Variants in PSD observed in about 807,000 individuals in gnomAD.
PSD encodes pleckstrin and Sec7 domain containing, also known as PH and SEC7 domain-containing protein 1.
A neutral mutation model predicts 91.6 loss-of-function variants in PSD; 32 were observed. The ratio of observed to expected loss-of-function variants is 0.35; its 90% CI spans 0.26 to 0.47. The LOEUF is 0.47. PSD is among the 20% of genes least tolerant of loss of function. The pLI, the probability that PSD is intolerant of heterozygous loss-of-function variation, is 1.00. For missense variants in PSD, 1,099 were observed against 1,373.9 expected, an observed-to-expected ratio of 0.80 and a Z score of 3.16; for synonymous variants, 532 against 569.3, an observed-to-expected ratio of 0.93 and a Z score of 0.93.
At chr10:102,412,663 A>G in intron 5 of PSD, 88 bp from the exon 6 acceptor site, 1 of 1,198,528 alleles carries the variant, frequency 8.3e-7, no homozygotes, top group Non-Finnish European at 1.2e-6. Flanking sequence ...CAGAAGATGG[A>G]GAAGGGGAGG....
Position 102,404,839 on chromosome 10 carries a change from G to A in PSD, c.2555+59C>T. On this transcript the variant is annotated intron_variant, in intron 14 of 16. Transcript: ENST00000020673. The surrounding 1 kb of genome is among the most constrained non-coding windows in gnomAD (Gnocchi z 5.7). Reference sequence around the variant, plus strand: ...GAATGAAAAAATCCAGGGACAGGGAGGGGAGCAGGATGGGAGGTGGGGGAA... The same window carrying A: ...GAATGAAAAAATCCAGGGACAGGGAAGGGAGCAGGATGGGAGGTGGGGGAA... The A allele has an allele frequency of 1.3e-6, 2 of 1,591,962 alleles. No individual in the cohort carries two copies. The highest frequency in any genetic ancestry group is 1.1e-5 in the South Asian group (1 of 88,586).
At chr10:102,418,015 A>G (rs2061503507) in intron 1 of PSD, among the ~76,000 whole-genome samples, 1 of 151,816 alleles carries the variant, frequency 6.6e-6, no homozygotes, top group Admixed American at 6.6e-5. Context: ...GGCCAGGGAC[A>G]TTCTTTTCTT....
chr10:102,411,236 C>A, intron 8 of PSD, 120 bp from the exon 9 acceptor site: 1 of 869,930 alleles, frequency 1.1e-6, no homozygotes, highest in East Asian at 2.6e-5. Flanking sequence ...CCTCCTGAAC[C>A]CCGCTAGTAA....
rs1417953586 is a variant in PSD at position 102,414,609 on chromosome 10, T to C, written c.1124+254A>G. ...ATCCAGACTCATGCTCCTGTGTTCC[T>C]GGGCTTGACTGTGGCCTCTGGCCTC... is the stretch of plus-strand genomic sequence containing the variant. On this transcript the variant is annotated intron_variant, in intron 4 of 16. Coordinates refer to ENST00000020673, the MANE Select transcript of PSD (RefSeq NM_002779.5). The surrounding 1 kb of genome is among the most constrained non-coding windows in gnomAD (Gnocchi z 5.6). Among the ~76,000 whole-genome samples the C allele has an allele frequency of 6.6e-6, 1 of 152,194 alleles. No individual in the cohort carries two copies. Among genetic ancestry groups the C allele is most frequent in the African/African-American group, 2.4e-5 (1 of 41,436 alleles).
chr10:102,418,965 G>A (rs996695395), upstream of PSD: 2 of 343,876 alleles, frequency 5.8e-6, no homozygotes, highest in African/African-American at 4.4e-5. Flanking sequence ...CCCAGACAAG[G>A]AGGAGGGCGC....
Position 102,410,732 on chromosome 10 carries a change from G to T in PSD, c.2091+126C>A. On this transcript the variant is annotated intron_variant, in intron 10 of 16. Coordinates refer to ENST00000020673, the MANE Select transcript of PSD (RefSeq NM_002779.5). This position sits in a 1 kb window ranked among gnomAD's most constrained non-coding sequence, Gnocchi z 6.0. The stretch of plus-strand genomic sequence containing the variant: ...CCCAGGCTGAGTCACGAGAGCCCGG[G>T]CTTCCGTGGCAGGAGCCGGGGGTCG... The T allele has an allele frequency of 1.3e-6, 1 of 768,962 alleles. No homozygotes were observed. Among genetic ancestry groups the T allele is most frequent in the Non-Finnish European group, 2.3e-6 (1 of 442,272 alleles). 47.6% of individuals were successfully genotyped at this position (768,962 alleles called of 1,614,324 possible).
intron 11 of PSD, 31 bp downstream of exon 11, chr10:102,407,192 C>G (rs886934402): frequency 3.8e-6 from 6 of 1,568,696 alleles, no homozygotes; most frequent in Non-Finnish European, 4.3e-6. Context: ...CATGCCCCAT[C>G]CTAGCCCCAC....
At chr10:102,413,744 C>T in intron 5 of PSD, 25 bp downstream of exon 5, 2 of 1,586,040 alleles carry the variant, frequency 1.3e-6, no homozygotes, top group Non-Finnish European at 1.7e-6. Context: ...GGCCTCAAGT[C>T]TGAGGGACAA....
rs1370993317 is a variant in PSD at position 102,409,369 on chromosome 10, C to A, written c.2091+1489G>T. 2.9e-5 allele frequency: 29 copies of A among 984,988 alleles called. No homozygotes were observed. Among genetic ancestry groups the A allele is most frequent in the Non-Finnish European group, 3.4e-5 (28 of 829,648 alleles). 61.0% of individuals were successfully genotyped at this position (984,988 alleles called of 1,614,324 possible). ...CGCATGAAATGGAGGCGCCCGATCG[C>A]GAAGGGGGCCCTCCCCGCGCGGCCA... On this transcript the variant is annotated intron_variant, in intron 10 of 16. Transcript: ENST00000020673. The surrounding 1 kb of genome is among the most constrained non-coding windows in gnomAD (Gnocchi z 5.7).
At chr10:102,417,266 G>C in intron 1 of PSD, 145 bp from the exon 2 acceptor site, 1 of 532,976 alleles carries the variant, frequency 1.9e-6, no homozygotes, top group Non-Finnish European at 3.3e-6. Context: ...TTGATCCCAC[G>C]CCTGGGGACT....
rs954934157 is a variant in PSD, at chr10:102,414,381, C to G, written c.1125-184G>C. On this transcript the variant is annotated intron_variant, in intron 4 of 16. Coordinates refer to ENST00000020673, the MANE Select transcript of PSD (RefSeq NM_002779.5). The surrounding 1 kb of genome is among the most constrained non-coding windows in gnomAD (Gnocchi z 5.6). ...GCTATTCAGTGCCCCCTGGGGCACACCAGCCCTACCAGTCCCCAGCACCCC... is the reference window on the plus strand; with the variant it reads ...GCTATTCAGTGCCCCCTGGGGCACAGCAGCCCTACCAGTCCCCAGCACCCC... 3.3e-5 allele frequency among the ~76,000 whole-genome samples: 5 copies of G among 152,152 alleles called. No individual in the cohort carries two copies. Among genetic ancestry groups the G allele is most frequent in the African/African-American group, 1.2e-4 (5 of 41,434 alleles).
At position 102,403,064 on chromosome 10, in the gene PSD, C is replaced by T; in HGVS notation, c.*136G>A. On this transcript the variant is annotated 3_prime_UTR_variant, in exon 17 of 17. Coordinates refer to ENST00000020673, the MANE Select transcript of PSD (RefSeq NM_002779.5). This position sits in a 1 kb window ranked among gnomAD's most constrained non-coding sequence, Gnocchi z 6.7. The stretch of plus-strand genomic sequence containing the variant: ...AGGCCCAGGCCCCAGCCCTGCCCTG[C>T]CCCGGACACCGCGTCCGGCGCGGTC... 1.6e-6 allele frequency: 1 copy of T among 626,680 alleles called. No homozygotes were observed. Among genetic ancestry groups the T allele is most frequent in the Non-Finnish European group, 2.5e-6 (1 of 400,206 alleles). The allele number at this position is 626,680 out of a possible 1,614,324, so 38.8% of individuals were successfully genotyped here.
chr10:102,418,393 A>G (rs1330442870), intron 1 of PSD, among the ~76,000 whole-genome samples: 1 of 152,110 alleles, frequency 6.6e-6, no homozygotes, highest in African/African-American at 2.4e-5. Context: ...TCACAGTCAC[A>G]TACACATACA....
Position 102,414,303 on chromosome 10 carries a change from T to G in PSD, c.1125-106A>C. 1 of 1,125,418 alleles carries G rather than the reference T, an allele frequency of 8.9e-7. No individual in the cohort carries two copies. Among genetic ancestry groups the G allele is most frequent in the South Asian group, 1.6e-5 (1 of 63,924 alleles). The allele number at this position is 1,125,418 out of a possible 1,614,324, so 69.7% of individuals were successfully genotyped here. On this transcript the variant is annotated intron_variant, in intron 4 of 16. Coordinates refer to ENST00000020673, the MANE Select transcript of PSD (RefSeq NM_002779.5). The surrounding 1 kb of genome is among the most constrained non-coding windows in gnomAD (Gnocchi z 5.6). ...TCTGCTAAGGGGATTATCATCCCCT[T>G]TTCACTGGCTCCAGCCCACTAACAA...
intron 11 of PSD, 49 bp downstream of exon 11, chr10:102,407,174 C>T (rs1160623758): frequency 6.4e-7 from 1 of 1,558,198 alleles, no homozygotes; most frequent in East Asian, 2.4e-5. Flanking sequence ...CCCAGGCAGC[C>T]CCTTCCCCAT....
rs1379442973 is a variant in PSD, at chr10:102,413,754, A to G, written c.1553+15T>C. On this transcript the variant is annotated intron_variant, in intron 5 of 16. Coordinates refer to ENST00000020673, the MANE Select transcript of PSD (RefSeq NM_002779.5). ...CTGGGGGCCTCAAGTCTGAGGGACAAAAGGAATTACTTACCTGCCAAGGGG... is the reference window on the plus strand; with the variant it reads ...CTGGGGGCCTCAAGTCTGAGGGACAGAAGGAATTACTTACCTGCCAAGGGG... 1.9e-6 allele frequency: 3 copies of G among 1,595,978 alleles called. No individual in the cohort carries two copies. The Admixed American group carries it at 5.2e-5, about 27-fold the overall frequency.
Position 102,416,576 on chromosome 10 carries a change from T to C in PSD, c.463A>G (p.Thr155Ala). The C allele has an allele frequency of 6.3e-7, 1 of 1,596,212 alleles. No homozygotes were observed. The highest frequency in any genetic ancestry group is 8.5e-7 in the Non-Finnish European group (1 of 1,170,802). ...SNRKLRLEAS[T>A]SDPLPARGGS... ...CCTCTGGCGGGGAGTGGGTCTGATG[T>C]GGATGCTTCCAGCCGTAACTTCCGG... The change falls in exon 2 of 17, where the codon ACA (threonine) becomes GCA (alanine). Residue 155 changes from threonine (T) to alanine (A), a missense_variant. Transcript: ENST00000020673. The surrounding 1 kb of genome is among the most constrained non-coding windows in gnomAD (Gnocchi z 6.0).
At position 102,408,956 on chromosome 10, in the gene PSD, T is replaced by A. The variant is rs1374074591; in HGVS notation, c.2092-1690A>T. On this transcript the variant is annotated intron_variant, in intron 10 of 16. Transcript: ENST00000020673. ...CACCAGGTCGGTGTAGAGCACGGGC[T>A]TGAGGCTGCGCGAGCGCTGCGGCCA... 5 of 984,534 alleles carry A rather than the reference T, an allele frequency of 5.1e-6. No individual in the cohort carries two copies. The East Asian group carries it at 4.7e-4, about 92-fold the overall frequency. The allele number at this position is 984,534 out of a possible 1,614,324, so 61.0% of individuals were successfully genotyped here. A position where few individuals can be genotyped will look rare whatever the true frequency, so the allele number is the denominator to read the frequency against.
chr10:102,407,211 C>T lies in PSD; in HGVS notation c.2135+12G>A, dbSNP rs2061372359. On this transcript the variant is annotated intron_variant, in intron 11 of 16. Transcript: ENST00000020673. ...CCCCATCCTAGCCCCACCACGCAGC[C>T]CCGGGACTCACATGGCCCACTGCAG... 2 of 1,602,460 alleles carry T rather than the reference C, an allele frequency of 1.2e-6. No individual in the cohort carries two copies. Among genetic ancestry groups the T allele is most frequent in the South Asian group, 1.1e-5 (1 of 89,250 alleles).
Sources: gnomAD v4.1 joint callset for allele counts (sites outside exome capture counted in the v4.1 genomes callset) on GRCh38, gnomAD v4.1.1 for gene constraint, Gnocchi (gnomAD v3.1) non-coding constraint, MANE v1.5 for transcripts, NCBI Gene and HGNC (gene_info 2026-07-23, HGNC 2026-07-21) for gene names.